Variants in CD302 observed in about 807,000 individuals in gnomAD.
CD302 encodes CD302 molecule.
CD302 carries 23 observed loss-of-function variants against 26.5 expected under a neutral mutation model. The ratio of observed to expected loss-of-function variants is 0.87; its 90% CI spans 0.62 to 1.23. The LOEUF (loss-of-function observed/expected upper bound fraction) is 1.23, where lower values mean the gene tolerates loss of function less well. Among genes scored for constraint, CD302 ranks in the 50% most tolerant of loss-of-function variants. The pLI is 0.00. For synonymous variants in CD302, 90 were observed against 99.4 expected (o/e 0.91, Z 0.56); for missense variants, 290 against 275.5 (o/e 1.05, Z -0.37).
At chr2:159,781,964 CA>C (rs1708526750) in intron 2 of CD302, among the ~76,000 whole-genome samples, 1 of 151,956 alleles carries the variant, frequency 6.6e-6, no homozygotes, top group Non-Finnish European at 1.5e-5. Flanking sequence ...AAGAATATAA[CA>C]GTAATAAAAA....
At chr2:159,776,807 C>G (rs1020681924) in intron 5 of CD302, among the ~76,000 whole-genome samples, 11 of 149,800 alleles carry the variant, frequency 7.3e-5, no homozygotes, top group African/African-American at 2.5e-4. Context: ...CAAATTCATG[C>G]AATTCTCCCT....
At chr2:159,776,183 T>C (rs1203391381) in intron 5 of CD302, among the ~76,000 whole-genome samples, 1 of 151,970 alleles carries the variant, frequency 6.6e-6, no homozygotes, top group African/African-American at 2.4e-5. Flanking sequence ...TAGCCTAATG[T>C]CCTTCAGGTT....
rs1170969088 is a variant in CD302, at chr2:159,771,894, A to C, written c.656T>G (p.Leu219Trp). ...PQSPYNEDCV[L>W]VVGEENEYPV... Reference sequence around the variant, plus strand: ...ATATTCATTTTCTTCTCCAACTACCAAAACACAGTCTTCATTATAAGGTGA... The same window carrying C: ...ATATTCATTTTCTTCTCCAACTACCCAAACACAGTCTTCATTATAAGGTGA... The change falls in exon 6 of 6, where the codon TTG (leucine) becomes TGG (tryptophan). Residue 219 changes from leucine to tryptophan, a missense_variant. By Grantham distance (61) the Leu-to-Trp change is moderately conservative. Transcript: ENST00000259053. 7.4e-6 allele frequency: 12 copies of C among 1,613,936 alleles called. No individual in the cohort carries two copies. The highest frequency in any genetic ancestry group is 1.7e-5 in the Admixed American group (1 of 60,008).
At chr2:159,780,769 A>G in intron 3 of CD302, 113 bp downstream of exon 3, 1 of 953,758 alleles carries the variant, frequency 1.0e-6, no homozygotes, top group Non-Finnish European at 1.6e-6. Context: ...AAAATTTAAC[A>G]CCTGGAGGCC....
intron 5 of CD302, among the ~76,000 whole-genome samples, chr2:159,776,161 G>A (rs1708317473): frequency 6.6e-6 from 1 of 151,772 alleles, no homozygotes; most frequent in Admixed American, 6.6e-5. Context: ...CCTGTGCCTG[G>A]CTTATTTTGT....
intron 1 of CD302, among the ~76,000 whole-genome samples, chr2:159,788,885 G>A (rs1708735215): frequency 6.6e-6 from 1 of 152,220 alleles, no homozygotes; most frequent in South Asian, 2.1e-4. Flanking sequence ...TTACATCTAT[G>A]TTAGACTTTT....
At chr2:159,792,204 C>T (rs1184381170) in intron 1 of CD302, among the ~76,000 whole-genome samples, 4 of 151,880 alleles carry the variant, frequency 2.6e-5, no homozygotes, top group Non-Finnish European at 5.9e-5. Flanking sequence ...GGGCAGGACA[C>T]CACAGTTCCT....
In CD302 at chr2:159,780,833, T is replaced by C. The variant is rs184318515; in HGVS notation, c.295+49A>G. 3,664 of 1,552,740 alleles carry C rather than the reference T, an allele frequency of 2.4e-3. 15 individuals carry two copies. The highest frequency in any genetic ancestry group is 3.0e-3 in the Non-Finnish European group (3,362 of 1,131,676). ...TTGAAAAGCCATCAGTTTTGCTACA[T>C]TAAAAAAAGAACAACAAAGTCACGT... is the stretch of plus-strand genomic sequence containing the variant. On this transcript the variant is annotated intron_variant, in intron 3 of 5. Transcript: ENST00000259053.
Position 159,783,011 on chromosome 2 carries a change from G to T in CD302, c.178+348C>A, listed in dbSNP as rs541334525. 2.6e-5 allele frequency among the ~76,000 whole-genome samples: 4 copies of T among 152,232 alleles called. No individual in the cohort carries two copies. The South Asian group carries it at 8.3e-4, about 32-fold the overall frequency. ...GTGTAAGCTTGAACAAATAACTGAA[G>T]TTAATTTCATCTCTCAATAAAATGA... On this transcript the variant is annotated intron_variant, in intron 2 of 5. Coordinates refer to ENST00000259053, the MANE Select transcript of CD302 (RefSeq NM_014880.5).
rs1305344590 is a variant in CD302 at position 159,771,308 on chromosome 2, GGTGT to G, written c.*539_*542del. On this transcript the variant is annotated 3_prime_UTR_variant, in exon 6 of 6. Transcript: ENST00000259053. ...AAACTTGAGTCATTTGTGATAAAAT[GGTGT>G]GTGTAAAAGTAATGAAACTAAAATT... is the stretch of plus-strand genomic sequence containing the variant. 6.6e-6 allele frequency: 1 copy of G among 152,480 alleles called. No homozygotes were observed. The highest frequency in any genetic ancestry group is 1.5e-5 in the Non-Finnish European group (1 of 68,318). 9.4% of individuals were successfully genotyped at this position (152,480 alleles called of 1,614,324 possible).
intron 1 of CD302, among the ~76,000 whole-genome samples, chr2:159,791,223 G>A (rs893323133): frequency 1.1e-4 from 17 of 152,146 alleles, no homozygotes; most frequent in African/African-American, 3.9e-4. Flanking sequence ...GCTACCAGAT[G>A]ATAGATTTAT....
intron 1 of CD302, among the ~76,000 whole-genome samples, chr2:159,794,504 A>G (rs1708896171): frequency 6.8e-6 from 1 of 147,040 alleles, no homozygotes; most frequent in Non-Finnish European, 1.5e-5. Context: ...ATAAACATTA[A>G]CATTTCAAAA....
chr2:159,773,262 C>A (rs1356049894), intron 5 of CD302, among the ~76,000 whole-genome samples: 1 of 152,220 alleles, frequency 6.6e-6, no homozygotes, highest in African/African-American at 2.4e-5. Context: ...GATCTGCCCC[C>A]CTCGGCCTCC....
At chr2:159,775,380 C>G (rs900788751) in intron 5 of CD302, among the ~76,000 whole-genome samples, 1 of 152,184 alleles carries the variant, frequency 6.6e-6, no homozygotes, top group Admixed American at 6.5e-5. Flanking sequence ...TTCAACTATT[C>G]GTTTTTGAAG....
chr2:159,773,462 T>C (rs963275072), intron 5 of CD302, among the ~76,000 whole-genome samples: 3 of 152,212 alleles, frequency 2.0e-5, no homozygotes, highest in Non-Finnish European at 4.4e-5. Context: ...AGGAATTACA[T>C]GATAGTAATA....
At chr2:159,784,653 G>A (rs2125806326) in intron 1 of CD302, among the ~76,000 whole-genome samples, 1 of 152,140 alleles carries the variant, frequency 6.6e-6, no homozygotes, top group Admixed American at 6.5e-5. Flanking sequence ...ACCACGCCAG[G>A]CCTAAGTTCT....
chr2:159,798,015 C>T, intron 1 of CD302, 117 bp downstream of exon 1: 1 of 990,528 alleles, frequency 1.0e-6, no homozygotes, highest in South Asian at 1.7e-5. Context: ...GCGGGATGGC[C>T]GGCCGGGTGT....
At chr2:159,784,927 TCTTGC>T (rs1247862063) in intron 1 of CD302, among the ~76,000 whole-genome samples, 4 of 151,488 alleles carry the variant, frequency 2.6e-5, no homozygotes, top group African/African-American at 9.7e-5. Context: ...AACATAGCGG[TCTTGC>T]CTTTAAAAGG....
At chr2:159,778,044 T>TA (rs1489069818) in intron 4 of CD302, 80 bp from the exon 5 acceptor site, 1 of 556,418 alleles carries the variant, frequency 1.8e-6, no homozygotes, top group African/African-American at 2.3e-5. Context: ...TCACAATCAT[T>TA]AAAAATAAAC....
Sources: allele counts gnomAD v4.1 joint callset (sites outside exome capture counted in the v4.1 genomes callset), GRCh38; gene constraint gnomAD v4.1.1; transcripts MANE v1.5; gene names NCBI Gene and HGNC (gene_info 2026-07-23, HGNC 2026-07-21).